Variants in SMC5 observed in about 807,000 individuals in gnomAD.
SMC5 encodes the protein structural maintenance of chromosomes 5, also known as structural maintenance of chromosomes protein 5.
SMC5 carries 88 observed loss-of-function variants against 148.3 expected under a neutral mutation model. The observed-to-expected ratio is 0.59, with a 90% CI of 0.50 to 0.71. The LOEUF (loss-of-function observed/expected upper bound fraction) is 0.71, where lower values mean the gene tolerates loss of function less well. Among genes scored for constraint, SMC5 ranks in the 30% least tolerant of loss-of-function variants. The pLI is 0.00. For missense variants in SMC5, 1,142 were observed against 1,298.9 expected (o/e 0.88, Z 1.86); for synonymous variants, 421 against 432.8 (o/e 0.97, Z 0.34).
intron 17 of SMC5, among the ~76,000 whole-genome samples, chr9:70,327,241 T>G (rs558441032): frequency 2.0e-5 from 3 of 152,200 alleles, no homozygotes; most frequent in Non-Finnish European, 4.4e-5. Flanking sequence ...CATGATCATC[T>G]TTTCATAACA....
chr9:70,292,585 T>TAGGAGG (rs1344259430), intron 8 of SMC5, among the ~76,000 whole-genome samples: 2 of 152,174 alleles, frequency 1.3e-5, no homozygotes, highest in Non-Finnish European at 2.9e-5. Context: ...TTCTTGATCT[T>TAGGAGG]AGGAGGAAAG....
At chr9:70,333,677 G>T (rs1251624679) in intron 17 of SMC5, among the ~76,000 whole-genome samples, 1 of 152,158 alleles carries the variant, frequency 6.6e-6, no homozygotes, top group Non-Finnish European at 1.5e-5. Flanking sequence ...GTTGCAGTGA[G>T]CCGAGATCAT....
At position 70,290,825 on chromosome 9, in the gene SMC5, A is replaced by T. The variant is rs143791582; in HGVS notation, c.1053+4554A>T. ...CTTAACCAAATCTGACTGAGTTTCA[A>T]TGTGAAAGTAAGCACCGCCAGCAAG... On this transcript the variant is annotated intron_variant, in intron 8 of 24. Coordinates refer to ENST00000361138, the MANE Select transcript of SMC5 (RefSeq NM_015110.4). 2.2e-3 allele frequency among the ~76,000 whole-genome samples: 335 copies of T among 152,328 alleles called. 2 individuals are homozygous for T. Among genetic ancestry groups the T allele is most frequent in the African/African-American group, 7.8e-3 (323 of 41,572 alleles).
chr9:70,289,226 CAG>C (rs1161162721), intron 8 of SMC5, among the ~76,000 whole-genome samples: 1 of 152,006 alleles, frequency 6.6e-6, no homozygotes, highest in Non-Finnish European at 1.5e-5. Context: ...TTAATAGAGA[CAG>C]AGTTTCACCA....
At chr9:70,263,242 C>T (rs895706849) in intron 1 of SMC5, among the ~76,000 whole-genome samples, 6 of 152,130 alleles carry the variant, frequency 3.9e-5, no homozygotes, top group African/African-American at 1.4e-4. Context: ...TCTTTTGAAA[C>T]CCAGCTGCTA....
rs2036672586 is a variant in SMC5 at position 70,346,614 on chromosome 9, A to G, written c.2533A>G (p.Thr845Ala). Reference protein sequence around the residue: ...LPQEYQTQVPTIPNGHNSSLP... With the variant: ...LPQEYQTQVPAIPNGHNSSLP... ...CATTCTACCAATTCAGCAAGTACCCACCATTCCAAATGGACACAACTCCTC... is the reference window on the plus strand; with the variant it reads ...CATTCTACCAATTCAGCAAGTACCCGCCATTCCAAATGGACACAACTCCTC... The change falls in exon 19 of 25, where the codon ACC becomes GCC. Residue 845 changes from threonine to alanine, a missense_variant. This residue lies in a region of SMC5 where 743 missense variants were observed against 835.7 expected (regional missense o/e 0.89). Coordinates refer to ENST00000361138, the MANE Select transcript of SMC5 (RefSeq NM_015110.4). 1 of 1,613,832 alleles carries G rather than the reference A, an allele frequency of 6.2e-7. No individual in the cohort carries two copies. Among genetic ancestry groups the G allele is most frequent in the South Asian group, 1.1e-5 (1 of 91,080 alleles).
chr9:70,299,986 A>T (rs1410277497), intron 9 of SMC5, 60 bp from the exon 10 acceptor site: 2 of 1,451,684 alleles, frequency 1.4e-6, no homozygotes, highest in Non-Finnish European at 1.8e-6. Context: ...TTATTATTAG[A>T]TTATTTCACT....
chr9:70,266,964 C>G (rs966893765), intron 2 of SMC5, among the ~76,000 whole-genome samples: 1 of 151,350 alleles, frequency 6.6e-6, no homozygotes, highest in Non-Finnish European at 1.5e-5. Flanking sequence ...GAGATTTGAA[C>G]CTAGATAGTA....
chr9:70,260,091 C>T (rs1022341741), intron 1 of SMC5, among the ~76,000 whole-genome samples: 12 of 151,494 alleles, frequency 7.9e-5, no homozygotes, highest in African/African-American at 2.7e-4. Context: ...ACTACAGGCG[C>T]GCGCCACCAC....
intron 3 of SMC5, 120 bp downstream of exon 3, chr9:70,268,095 T>C (rs758182405): frequency 2.0e-4 from 147 of 719,478 alleles, no homozygotes; most frequent in Non-Finnish European, 2.7e-4. Flanking sequence ...TTGGAAATAA[T>C]ATTTAAAGAA....
chr9:70,298,709 C>G (rs1269428993), intron 9 of SMC5, among the ~76,000 whole-genome samples: 1 of 149,074 alleles, frequency 6.7e-6, no homozygotes, highest in African/African-American at 2.5e-5. Flanking sequence ...ATATGTTTAT[C>G]AAAGTATTAG....
At chr9:70,343,877 G>C (rs992327842) in intron 17 of SMC5, among the ~76,000 whole-genome samples, 2 of 151,958 alleles carry the variant, frequency 1.3e-5, no homozygotes, top group African/African-American at 4.8e-5. Context: ...AGCTAAGCTA[G>C]ACTTTCAGGA....
intron 15 of SMC5, among the ~76,000 whole-genome samples, chr9:70,321,867 T>C (rs1181454328): frequency 6.6e-6 from 1 of 152,154 alleles, no homozygotes; most frequent in Non-Finnish European, 1.5e-5. Context: ...TTCAAGGTTT[T>C]TTCCATATCC....
At chr9:70,286,507 G>C (rs982628063) in intron 8 of SMC5, among the ~76,000 whole-genome samples, 10 of 152,080 alleles carry the variant, frequency 6.6e-5, no homozygotes, top group African/African-American at 2.4e-4. Flanking sequence ...CTGGGTGGCT[G>C]TAGTTTTTTA....
intron 8 of SMC5, among the ~76,000 whole-genome samples, chr9:70,293,018 G>A (rs976726102): frequency 6.6e-6 from 1 of 151,970 alleles, no homozygotes; most frequent in African/African-American, 2.4e-5. Flanking sequence ...AAATGAATTG[G>A]GAAGTGATCC....
At chr9:70,315,327 C>T in intron 12 of SMC5, 119 bp from the exon 13 acceptor site, 1 of 576,090 alleles carries the variant, frequency 1.7e-6, no homozygotes, top group Non-Finnish European at 2.8e-6. Context: ...AAAGACTTGT[C>T]CTGTGTCATT....
intron 1 of SMC5, among the ~76,000 whole-genome samples, chr9:70,260,428 A>G (rs1203628891): frequency 6.6e-6 from 1 of 151,982 alleles, no homozygotes; most frequent in African/African-American, 2.4e-5. Context: ...TAAAGCTTGC[A>G]CATAGTGGCA....
intron 2 of SMC5, among the ~76,000 whole-genome samples, chr9:70,266,686 CA>C (rs1248722272): frequency 6.6e-6 from 1 of 152,096 alleles, no homozygotes; most frequent in Non-Finnish European, 1.5e-5. Flanking sequence ...ATGGGATGCC[CA>C]AGTTCTCAGC....
At chr9:70,305,197 TAATCA>T in intron 10 of SMC5, 45 bp from the exon 11 acceptor site, 1 of 759,972 alleles carries the variant, frequency 1.3e-6, no homozygotes, top group Non-Finnish European at 2.2e-6. Flanking sequence ...CATGTTTTAA[TAATCA>T]GTTGGGTTTC....
Sources: gnomAD v4.1 joint callset for allele counts (sites outside exome capture counted in the v4.1 genomes callset) on GRCh38, gnomAD v4.1.1 for gene constraint, gnomAD v4.1.1 regional missense constraint, MANE v1.5 for transcripts, NCBI Gene and HGNC (gene_info 2026-07-23, HGNC 2026-07-21) for gene names.